The following RABGGTB variants were observed in gnomAD, a reference collection of about 807,000 sequenced individuals.
RABGGTB encodes the protein geranylgeranyl transferase type-2 subunit beta.
Under a neutral mutation model 44.5 loss-of-function variants are expected in RABGGTB, and 20 were observed. The ratio of observed to expected loss-of-function variants is 0.45; its 90% CI spans 0.32 to 0.65. The LOEUF (loss-of-function observed/expected upper bound fraction) is 0.65. Among genes scored for constraint, RABGGTB ranks in the 30% least tolerant of loss-of-function variants. The pLI is 0.05. For missense variants in RABGGTB, 302 were observed against 398.7 expected, an observed-to-expected ratio of 0.76 and a Z score of 2.06; for synonymous variants, 128 against 136.7, an observed-to-expected ratio of 0.94 and a Z score of 0.44.
chr1:75,794,193 A>G lies in RABGGTB; in HGVS notation c.815A>G (p.Asp272Gly). 2 of 1,613,752 alleles carry G rather than the reference A, an allele frequency of 1.2e-6. No homozygotes were observed. The highest frequency in any genetic ancestry group is 8.5e-7 in the Non-Finnish European group (1 of 1,179,756). The change falls in exon 8 of 9, where the codon GAT becomes GGT. Residue 272 changes from aspartate (D) to glycine (G), a missense_variant. Physicochemically the swap from Asp to Gly is moderately conservative, Grantham distance 94 (BLOSUM62 -1). Coordinates refer to ENST00000319942, the MANE Select transcript of RABGGTB (RefSeq NM_004582.4). ...KLRNFILACQDEETGGFADRP... is the reference protein window; with the variant it reads ...KLRNFILACQGEETGGFADRP... ...CGTAATTTCATTTTAGCATGTCAAG[A>G]TGAAGAAACGGGGGGATTTGCAGAC...
intron 2 of RABGGTB, chr1:75,788,055 GA>G: frequency 2.4e-6 from 1 of 410,104 alleles, no homozygotes. Flanking sequence ...ACTTAGTTAA[GA>G]GTAAATGTTT....
intron 1 of RABGGTB, among the ~76,000 whole-genome samples, 180 bp downstream of exon 1, chr1:75,786,454 C>T (rs907059688): frequency 4.6e-5 from 7 of 152,162 alleles, no homozygotes; most frequent in Non-Finnish European, 1.0e-4. Context: ...ACCTCGCGGG[C>T]AATGCCGCTT....
chr1:75,787,641 AAAG>A (rs745588647), intron 2 of RABGGTB, 37 bp downstream of exon 2: 15 of 1,509,482 alleles, frequency 9.9e-6, no homozygotes, highest in Non-Finnish European at 1.3e-5. Context: ...AGTTTATTTT[AAAG>A]AAGTGTGACA....
In RABGGTB at chr1:75,788,975, G is replaced by C. The variant is rs78245785; in HGVS notation, c.112-184G>C. ...AGATAATTGTTTTTTTCTGATAATA[G>C]TTGTGTCTGAAGATGGCTTCTAACA... On this transcript the variant is annotated intron_variant, in intron 2 of 8. Transcript: ENST00000319942. 399 of 589,246 alleles carry C rather than the reference G, an allele frequency of 6.8e-4. 2 individuals carry two copies. In the African/African-American group the frequency reaches 6.8e-3, roughly 10 times the overall value. 36.5% of individuals were successfully genotyped at this position (589,246 alleles called of 1,614,324 possible).
intron 1 of RABGGTB, chr1:75,786,554 T>A: frequency 2.4e-6 from 1 of 413,610 alleles, no homozygotes; most frequent in East Asian, 3.8e-5. Flanking sequence ...CTGTGGCTGA[T>A]TGGTGGCTTT....
rs761191854 is a variant in RABGGTB, at chr1:75,792,136, G to A, written c.580-45G>A. On this transcript the variant is annotated intron_variant, in intron 6 of 8. Transcript: ENST00000319942. ...TAATTTGAGTTTTATCACTTTTAATGTCAAGAAATTATTATACACATAAAC... is the reference window on the plus strand; with the variant it reads ...TAATTTGAGTTTTATCACTTTTAATATCAAGAAATTATTATACACATAAAC... 3.2e-5 allele frequency: 48 copies of A among 1,523,108 alleles called. No homozygotes were observed. In the East Asian group the frequency reaches 1.1e-3, roughly 35 times the overall value. The allele number at this position is 1,523,108 out of a possible 1,614,324, so 94.3% of individuals were successfully genotyped here. A position where few individuals can be genotyped will look rare whatever the true frequency, so the allele number is the denominator to read the frequency against.
At chr1:75,786,221 C>G (rs769075514), upstream of RABGGTB, 203 of 1,612,744 alleles carry the variant, frequency 1.3e-4, no homozygotes, top group Admixed American at 1.0e-3. Flanking sequence ...AGGCGCCCGG[C>G]TCCTAAGTCT....
rs1649502326 is a variant in RABGGTB, at chr1:75,786,888, TTAAG to T, written c.4-608_4-605del. 3 of 334,312 alleles carry T rather than the reference TTAAG, an allele frequency of 9.0e-6. No individual in the cohort carries two copies. The Admixed American group carries it at 1.4e-4, about 15-fold the overall frequency. 20.7% of individuals were successfully genotyped at this position (334,312 alleles called of 1,614,324 possible). A position where few individuals can be genotyped will look rare whatever the true frequency, so the allele number is the denominator to read the frequency against. On this transcript the variant is annotated intron_variant, in intron 1 of 8. Transcript: ENST00000319942. The stretch of plus-strand genomic sequence containing the variant: ...AAGGTGCTTTGAAACCTGCATTTGA[TTAAG>T]CAAGAATTCGCTTGCAAGTTAAGGG...
intron 7 of RABGGTB, chr1:75,793,726 A>G (rs945909154): frequency 1.1e-5 from 2 of 180,764 alleles, no homozygotes; most frequent in African/African-American, 2.3e-5. Flanking sequence ...GAAAAACAGA[A>G]CTATACCCAT....
intron 4 of RABGGTB, 125 bp from the exon 5 acceptor site, chr1:75,791,160 G>C (rs1649636548): frequency 1.2e-6 from 1 of 830,518 alleles, no homozygotes; most frequent in South Asian, 1.6e-5. Flanking sequence ...CTTTCCTCCT[G>C]ACTACCCTAA....
chr1:75,793,814 T>C, intron 7 of RABGGTB: 1 of 325,968 alleles, frequency 3.1e-6, no homozygotes. Context: ...ACAAAGCAGA[T>C]GCATGCTTAT....
At chr1:75,793,959 T>A in intron 7 of RABGGTB, 125 bp from the exon 8 acceptor site, 1 of 1,012,386 alleles carries the variant, frequency 9.9e-7, no homozygotes, top group Non-Finnish European at 1.4e-6. Flanking sequence ...GATTTCGTCC[T>A]TCCACATGGT....
chr1:75,792,397 C>T (rs1293541362), intron 7 of RABGGTB, 91 bp downstream of exon 7: 7 of 1,522,094 alleles, frequency 4.6e-6, no homozygotes, highest in Non-Finnish European at 6.3e-6. Context: ...GTAAATTGGC[C>T]ATGAGCTTAT....
chr1:75,792,115 T>TG (rs1362302120), intron 6 of RABGGTB, 66 bp from the exon 7 acceptor site: 1 of 1,394,260 alleles, frequency 7.2e-7, no homozygotes, highest in African/African-American at 1.4e-5. Flanking sequence ...TTTTAATAAT[T>TG]TGAGTTTTAT....
chr1:75,792,380 C>G (rs1282218471), intron 7 of RABGGTB, 74 bp downstream of exon 7: 7 of 1,565,420 alleles, frequency 4.5e-6, no homozygotes, highest in East Asian at 2.3e-5. Context: ...TTGCCTGTTT[C>G]TATATTGTAA....
chr1:75,794,719 C>T lies in RABGGTB; in HGVS notation c.*69C>T, dbSNP rs1035535428. 226 of 1,342,892 alleles carry T rather than the reference C, an allele frequency of 1.7e-4. No individual in the cohort carries two copies. The highest frequency in any genetic ancestry group is 2.1e-4 in the Non-Finnish European group (208 of 1,010,296). 83.2% of individuals were successfully genotyped at this position (1,342,892 alleles called of 1,614,324 possible). On this transcript the variant is annotated 3_prime_UTR_variant, in exon 9 of 9. Transcript: ENST00000319942. ...ACATTTCTGTATTTGAAGTGCTTAT[C>T]GAATCTAAAAGTGACTACTGTTAAT...
At chr1:75,786,206 T>C (rs550151855), upstream of RABGGTB, 14 of 1,604,392 alleles carry the variant, frequency 8.7e-6, no homozygotes, top group African/African-American at 1.7e-4. Flanking sequence ...GAGGCGCATC[T>C]GCGCAGGCGC....
chr1:75,786,239 A>G, upstream of RABGGTB: 5 of 1,613,888 alleles, frequency 3.1e-6, no homozygotes, highest in Non-Finnish European at 4.2e-6. Context: ...TCTACCCAGG[A>G]ACTGACCCTG....
intron 1 of RABGGTB, 33 bp downstream of exon 1, chr1:75,786,307 G>T: frequency 6.2e-7 from 1 of 1,613,888 alleles, no homozygotes; most frequent in South Asian, 1.1e-5. Context: ...TGTCCGGATG[G>T]GTTGGTAGCA....
Sources: allele counts gnomAD v4.1 joint callset (sites outside exome capture counted in the v4.1 genomes callset), GRCh38; gene constraint gnomAD v4.1.1; transcripts MANE v1.5; gene names NCBI Gene and HGNC (gene_info 2026-07-23, HGNC 2026-07-21).